Variants in KAT6B observed in about 807,000 individuals in gnomAD.
The protein encoded by KAT6B is lysine acetyltransferase 6B, also known as histone acetyltransferase KAT6B.
A neutral mutation model predicts 187.5 loss-of-function variants in KAT6B; 10 were observed. That is an observed-to-expected ratio of 0.05 (90% confidence interval 0.03 to 0.09). The LOEUF is 0.09. Ranked by LOEUF, KAT6B falls within the 10% of genes least tolerant of loss-of-function variation. The pLI is 1.00. For synonymous variants in KAT6B, 861 were observed against 926.8 expected, an observed-to-expected ratio of 0.93 and a Z score of 1.29; for missense variants, 1,952 against 2,558.9, an observed-to-expected ratio of 0.76 and a Z score of 5.12.
Position 74,936,469 on chromosome 10 carries a change from A to G in KAT6B, c.622-23501A>G, listed in dbSNP as rs893977409. ...AATCCTGGGCCAACAGGTATTTTTA[A>G]AAAATAATATACTATTCCCAGGTTT... On this transcript the variant is annotated intron_variant, in intron 3 of 17. Transcript: ENST00000287239. 8.5e-5 allele frequency among the ~76,000 whole-genome samples: 13 copies of G among 152,274 alleles called. 1 individual carries two copies. The South Asian group carries it at 2.7e-3, about 32-fold the overall frequency.
intron 3 of KAT6B, among the ~76,000 whole-genome samples, chr10:74,849,813 G>C (rs11598687): frequency 0.01 from 1,543 of 152,264 alleles, 17 homozygotes; most frequent in Non-Finnish European, 0.016. Flanking sequence ...AAAAAATGAG[G>C]CTGAAAGCTT....
intron 10 of KAT6B, among the ~76,000 whole-genome samples, chr10:74,980,461 A>G (rs1469458615): frequency 6.6e-6 from 1 of 152,246 alleles, no homozygotes; most frequent in Admixed American, 6.5e-5. Flanking sequence ...GTTAAGTGAC[A>G]AAATAAGAGT....
At chr10:74,878,733 T>G (rs558070890) in intron 3 of KAT6B, among the ~76,000 whole-genome samples, 2 of 152,032 alleles carry the variant, frequency 1.3e-5, no homozygotes, top group East Asian at 3.9e-4. Context: ...AGGGAAGACA[T>G]TTTATGTAGA....
At chr10:74,880,833 C>T (rs1038537807) in intron 3 of KAT6B, among the ~76,000 whole-genome samples, 1 of 152,192 alleles carries the variant, frequency 6.6e-6, no homozygotes, top group Admixed American at 6.5e-5. Context: ...CCAGGCTGGT[C>T]TCGAACTCCT....
intron 3 of KAT6B, among the ~76,000 whole-genome samples, chr10:74,948,019 A>G (rs1374026194): frequency 6.6e-6 from 1 of 152,204 alleles, no homozygotes; most frequent in Non-Finnish European, 1.5e-5. Flanking sequence ...TCTGCTACAC[A>G]GAATTAACTC....
intron 12 of KAT6B, among the ~76,000 whole-genome samples, chr10:74,986,138 C>T (rs922569488): frequency 1.3e-5 from 2 of 152,150 alleles, no homozygotes; most frequent in African/African-American, 4.8e-5. Context: ...ATTGAGGGGA[C>T]GGATATAGCT....
intron 3 of KAT6B, among the ~76,000 whole-genome samples, chr10:74,889,254 A>G (rs1475089718): frequency 1.3e-5 from 2 of 152,216 alleles, no homozygotes. Context: ...AAAAATACAT[A>G]TTTATATTTT....
chr10:75,029,585 G>T lies in KAT6B; in HGVS notation c.4761G>T (p.Thr1587=), dbSNP rs372545959. The change falls in exon 18 of 18, where the codon ACG becomes ACT. Residue 1587 remains threonine, a synonymous_variant. Coordinates refer to ENST00000287239, the MANE Select transcript of KAT6B (RefSeq NM_012330.4). The surrounding 1 kb of genome is among the most constrained non-coding windows in gnomAD (Gnocchi z 6.2). ...ACCAAAGTCCACAGATTGCCACCACGCTCGACGATTGCCAACAGTCGGACC... is the reference window on the plus strand; with the variant it reads ...ACCAAAGTCCACAGATTGCCACCACTCTCGACGATTGCCAACAGTCGGACC... ...RADQSPQIAT[T]LDDCQQSDHS... is the part of the protein sequence containing the mutation. The T allele has an allele frequency of 2.5e-6, 4 of 1,613,970 alleles. No homozygotes were observed. The African/African-American group carries it at 4.0e-5, about 16-fold the overall frequency.
chr10:74,864,187 G>C (rs1476768626), intron 3 of KAT6B, among the ~76,000 whole-genome samples: 1 of 151,700 alleles, frequency 6.6e-6, no homozygotes, highest in Non-Finnish European at 1.5e-5. Context: ...TCTTGCCTCA[G>C]CCTCCAAAGT....
chr10:75,016,859 C>CTTT (rs11323524), intron 13 of KAT6B, among the ~76,000 whole-genome samples: 3 of 68,764 alleles, frequency 4.4e-5, no homozygotes, highest in South Asian at 5.0e-4. Context: ...AAGATAAGTG[C>CTTT]TTTTTTTTTT....
chr10:74,856,716 T>C (rs183234975), intron 3 of KAT6B, among the ~76,000 whole-genome samples: 25 of 152,074 alleles, frequency 1.6e-4, no homozygotes, highest in Admixed American at 1.3e-3. Flanking sequence ...CTGGGAAACA[T>C]GGTGAAACCC....
At chr10:75,021,093 G>A (rs774119772) in intron 14 of KAT6B, 33 bp from the exon 15 acceptor site, 21 of 1,606,478 alleles carry the variant, frequency 1.3e-5, no homozygotes, top group Non-Finnish European at 1.8e-5. Flanking sequence ...TTCAGCTTGT[G>A]ATTACATCTT....
intron 11 of KAT6B, chr10:74,984,443 T>TC (rs1242724360): frequency 6.6e-6 from 1 of 152,566 alleles, no homozygotes; most frequent in Non-Finnish European, 1.5e-5. Context: ...CACAGCTTGA[T>TC]TCTTTTATTT....
chr10:75,011,051 A>G (rs762747149), intron 13 of KAT6B, among the ~76,000 whole-genome samples: 1 of 152,158 alleles, frequency 6.6e-6, no homozygotes, highest in African/African-American at 2.4e-5. Context: ...TTAGACATGA[A>G]AATTTTATCC....
At chr10:74,841,387 A>G (rs1427172291) in intron 2 of KAT6B, among the ~76,000 whole-genome samples, 1 of 152,130 alleles carries the variant, frequency 6.6e-6, no homozygotes. Context: ...CCAAAATGGC[A>G]AAACTCCATC....
intron 17 of KAT6B, among the ~76,000 whole-genome samples, chr10:75,027,534 G>A (rs535345249): frequency 2.0e-5 from 3 of 151,970 alleles, no homozygotes; most frequent in Non-Finnish European, 4.4e-5. Flanking sequence ...GAAGATTGGT[G>A]TAATCTAAAG....
At chr10:74,827,494 C>T (rs182166993) in intron 1 of KAT6B, among the ~76,000 whole-genome samples, 13 of 151,712 alleles carry the variant, frequency 8.6e-5, no homozygotes, top group African/African-American at 3.1e-4. Context: ...AGGAGGTTTG[C>T]TAGCTTTGGG....
At chr10:74,927,451 CCT>C (rs1491184289) in intron 3 of KAT6B, among the ~76,000 whole-genome samples, 1 of 137,560 alleles carries the variant, frequency 7.3e-6, no homozygotes, top group African/African-American at 3.1e-5. Context: ...CTGCAAGAAA[CCT>C]TTTTTTTTTT....
intron 3 of KAT6B, among the ~76,000 whole-genome samples, chr10:74,856,246 C>T (rs1293376917): frequency 5.3e-5 from 8 of 152,230 alleles, no homozygotes; most frequent in Admixed American, 2.6e-4. Context: ...CCACCATGCC[C>T]GGCTAACTTT....
Sources: gnomAD v4.1 joint callset for allele counts (sites outside exome capture counted in the v4.1 genomes callset) on GRCh38, gnomAD v4.1.1 for gene constraint, Gnocchi (gnomAD v3.1) non-coding constraint, MANE v1.5 for transcripts, NCBI Gene and HGNC (gene_info 2026-07-23, HGNC 2026-07-21) for gene names.